Variants in NTM observed in about 807,000 individuals in gnomAD.
The protein encoded by NTM is IgLON family member 2.
NTM carries 13 observed loss-of-function variants against 42.1 expected under a neutral mutation model. That is an observed-to-expected ratio of 0.31 (90% CI 0.20 to 0.49). The LOEUF is 0.49. Ranked by LOEUF, NTM falls within the 20% of genes least tolerant of loss-of-function variation. NTM has a pLI of 0.99. For missense variants in NTM, 373 were observed against 452.8 expected, an observed-to-expected ratio of 0.82 and a Z score of 1.60; for synonymous variants, 187 against 179.2, an observed-to-expected ratio of 1.04 and a Z score of -0.35.
At chr11:132,165,714 C>T (rs944415946) in intron 3 of NTM, among the ~76,000 whole-genome samples, 13 of 152,196 alleles carry the variant, frequency 8.5e-5, no homozygotes, top group African/African-American at 2.9e-4. Flanking sequence ...GGAAGAAGCC[C>T]GACTGTGGGG....
chr11:131,730,957 C>T (rs1228583810), intron 1 of NTM, among the ~76,000 whole-genome samples: 1 of 152,190 alleles, frequency 6.6e-6, no homozygotes, highest in Non-Finnish European at 1.5e-5. Flanking sequence ...AAAAAGAATT[C>T]TAGTTAGAGG....
chr11:132,232,500 G>C (rs1285781856), intron 4 of NTM, among the ~76,000 whole-genome samples: 1 of 152,186 alleles, frequency 6.6e-6, no homozygotes, highest in Non-Finnish European at 1.5e-5. Flanking sequence ...CACATAACTA[G>C]AGGAGAGGGC....
intron 2 of NTM, among the ~76,000 whole-genome samples, chr11:131,937,861 C>T (rs908954838): frequency 3.3e-5 from 5 of 152,056 alleles, no homozygotes; most frequent in Admixed American, 6.6e-5. Context: ...TCTCAAAGGG[C>T]GGGTAAAAAA....
intron 1 of NTM, among the ~76,000 whole-genome samples, chr11:131,684,408 G>A (rs1311198796): frequency 6.6e-6 from 1 of 152,204 alleles, no homozygotes; most frequent in Non-Finnish European, 1.5e-5. Context: ...CTAGTGGGTA[G>A]CCTGCTCCAC....
At chr11:132,184,346 C>T (rs1002450613) in intron 3 of NTM, among the ~76,000 whole-genome samples, 5 of 152,228 alleles carry the variant, frequency 3.3e-5, no homozygotes, top group African/African-American at 9.6e-5. Flanking sequence ...TCTCTCAGCT[C>T]ATCCTCTTTG....
At chr11:131,374,745 T>C (rs1941736008) in intron 1 of NTM, among the ~76,000 whole-genome samples, 1 of 152,140 alleles carries the variant, frequency 6.6e-6, no homozygotes, top group Non-Finnish European at 1.5e-5. Flanking sequence ...CCAAAACTTG[T>C]CCCTTGGGAT....
At chr11:131,613,506 A>T (rs1201149768) in intron 1 of NTM, among the ~76,000 whole-genome samples, 1 of 152,178 alleles carries the variant, frequency 6.6e-6, no homozygotes, top group African/African-American at 2.4e-5. Context: ...CAAATGCCAG[A>T]CAGAGGAGGG....
At chr11:132,123,291 G>T (rs1310295752) in intron 2 of NTM, among the ~76,000 whole-genome samples, 2 of 152,178 alleles carry the variant, frequency 1.3e-5, no homozygotes, top group Non-Finnish European at 2.9e-5. Context: ...GGGGCAGTGT[G>T]GGGAGAAGGG....
chr11:132,165,096 C>G (rs777948856), intron 3 of NTM, among the ~76,000 whole-genome samples: 4 of 152,130 alleles, frequency 2.6e-5, no homozygotes, highest in Non-Finnish European at 5.9e-5. Flanking sequence ...GTGCTTTCAC[C>G]CATGATAGTG....
chr11:131,991,471 A>T (rs999808979), intron 2 of NTM, among the ~76,000 whole-genome samples: 1 of 152,174 alleles, frequency 6.6e-6, no homozygotes, highest in African/African-American at 2.4e-5. Flanking sequence ...AGGACATTCT[A>T]TGTGTCCAAC....
At chr11:132,143,318 G>C (rs2069595809) in intron 2 of NTM, among the ~76,000 whole-genome samples, 1 of 152,180 alleles carries the variant, frequency 6.6e-6, no homozygotes, top group African/African-American at 2.4e-5. Context: ...TACTGAATCA[G>C]AAACCCATGG....
intron 2 of NTM, among the ~76,000 whole-genome samples, chr11:131,911,917 G>A (rs1256449968): frequency 6.6e-6 from 1 of 152,106 alleles, no homozygotes; most frequent in Non-Finnish European, 1.5e-5. Flanking sequence ...GCTGGACCAG[G>A]TGGTCGCCGA....
At chr11:131,456,439 TGG>T (rs144801921) in intron 1 of NTM, among the ~76,000 whole-genome samples, 3,439 of 152,290 alleles carry the variant, frequency 0.023, 114 homozygotes, top group African/African-American at 0.078. Flanking sequence ...AGAACTGAGC[TGG>T]GACTGCCCTC....
intron 1 of NTM, among the ~76,000 whole-genome samples, chr11:131,853,840 C>A (rs1052452806): frequency 2.0e-5 from 3 of 152,182 alleles, no homozygotes; most frequent in African/African-American, 7.2e-5. Context: ...AATGGCTATA[C>A]TACTCTACAC....
At chr11:132,327,068 G>A (rs2095698316) in intron 7 of NTM, among the ~76,000 whole-genome samples, 1 of 152,156 alleles carries the variant, frequency 6.6e-6, no homozygotes, top group Non-Finnish European at 1.5e-5. Context: ...CTTCCCTTCT[G>A]CAAACAAAAC....
At chr11:132,294,077 T>C (rs913016010) in intron 4 of NTM, among the ~76,000 whole-genome samples, 1 of 152,108 alleles carries the variant, frequency 6.6e-6, no homozygotes, top group African/African-American at 2.4e-5. Flanking sequence ...ACAGGCATCA[T>C]AGGAAAGCAT....
At chr11:131,462,160 G>T (rs561197282) in intron 1 of NTM, among the ~76,000 whole-genome samples, 5 of 152,192 alleles carry the variant, frequency 3.3e-5, no homozygotes, top group African/African-American at 4.8e-5. Flanking sequence ...GATCCAAGAG[G>T]CTGAATACTG....
At chr11:131,472,771 T>G (rs1029154061) in intron 1 of NTM, among the ~76,000 whole-genome samples, 1 of 152,084 alleles carries the variant, frequency 6.6e-6, no homozygotes, top group Non-Finnish European at 1.5e-5. Context: ...ACCCACTTGA[T>G]AGATAAAGAA....
chr11:131,568,573 T>C (rs1222228613), intron 1 of NTM, among the ~76,000 whole-genome samples: 2 of 152,196 alleles, frequency 1.3e-5, no homozygotes, highest in Admixed American at 1.3e-4. Context: ...GAGGGTAGTC[T>C]TCCCCCAACA....
Sources: gnomAD v4.1 joint callset for allele counts (sites outside exome capture counted in the v4.1 genomes callset) on GRCh38, gnomAD v4.1.1 for gene constraint, MANE v1.5 for transcripts, NCBI Gene and HGNC (gene_info 2026-07-23, HGNC 2026-07-21) for gene names.